SPTLC3: variants seen among roughly 807,000 people sequenced by gnomAD.
SPTLC3 encodes serine palmitoyltransferase long chain base subunit 3.
Under a neutral mutation model 59.3 loss-of-function variants are expected in SPTLC3, and 36 were observed. The observed-to-expected ratio is 0.61, with a 90% CI of 0.47 to 0.80. SPTLC3 has a LOEUF of 0.80. SPTLC3 is among the 30% of genes least tolerant of loss of function. SPTLC3 has a pLI of 0.00. For synonymous variants in SPTLC3, 257 were observed against 240.8 expected (o/e 1.07, Z -0.62); for missense variants, 625 against 685.1 (o/e 0.91, Z 0.98).
At chr20:13,066,799 C>T (rs1160530982) in intron 2 of SPTLC3, among the ~76,000 whole-genome samples, 1 of 151,574 alleles carries the variant, frequency 6.6e-6, no homozygotes, top group Non-Finnish European at 1.5e-5. Context: ...CCTCCTTAGT[C>T]TCCTTATTTC....
rs751573042 is a variant in SPTLC3 at position 13,110,109 on chromosome 20, A to AAGACACAC, written c.827-1_833dup. On this transcript the variant is annotated splice_polypyrimidine_tract_variant and splice_region_variant and intron_variant, in intron 6 of 11. Transcript: ENST00000399002. Reference sequence around the variant, plus strand: ...CAATTTTTTTTTTTGGTATTATTTAAAGACACACAAAGCCTAGAGAAGCTC... The same window carrying AAGACACAC: ...CAATTTTTTTTTTTGGTATTATTTAAAGACACACAGACACACAAAGCCTAGAGAAGCTC... 3 of 1,597,746 alleles carry AAGACACAC rather than the reference A, an allele frequency of 1.9e-6. No homozygotes were observed. Among genetic ancestry groups the AAGACACAC allele is most frequent in the Non-Finnish European group, 2.6e-6 (3 of 1,175,614 alleles).
intron 9 of SPTLC3, among the ~76,000 whole-genome samples, chr20:13,137,640 AG>A (rs112409630): frequency 6.6e-6 from 1 of 152,184 alleles, no homozygotes; most frequent in African/African-American, 2.4e-5. Flanking sequence ...GCCCTGGGAA[AG>A]AAAGCATATA....
At chr20:13,129,245 G>T (rs186795338) in intron 9 of SPTLC3, among the ~76,000 whole-genome samples, 68 of 152,172 alleles carry the variant, frequency 4.5e-4, no homozygotes, top group African/African-American at 1.6e-3. Flanking sequence ...CAAGTGATTT[G>T]CCCACCCCAG....
At chr20:13,106,465 T>TCAG (rs1989904585) in intron 6 of SPTLC3, among the ~76,000 whole-genome samples, 1 of 151,996 alleles carries the variant, frequency 6.6e-6, no homozygotes, top group Non-Finnish European at 1.5e-5. Flanking sequence ...CGAGAAGAGT[T>TCAG]TGGGTTAAGA....
intron 6 of SPTLC3, among the ~76,000 whole-genome samples, chr20:13,101,663 C>G (rs1158021160): frequency 6.6e-6 from 1 of 152,142 alleles, no homozygotes; most frequent in East Asian, 1.9e-4. Context: ...GTTTCTGGTG[C>G]ATTTTGAGGA....
At chr20:13,088,311 T>G (rs976236249) in intron 4 of SPTLC3, among the ~76,000 whole-genome samples, 4 of 152,096 alleles carry the variant, frequency 2.6e-5, no homozygotes, top group African/African-American at 9.7e-5. Context: ...TGTTTTTTGT[T>G]GTTGTTGTTG....
Position 13,160,266 on chromosome 20 carries a change from T to G in SPTLC3, c.1545+134T>G, listed in dbSNP as rs905543537. On this transcript the variant is annotated intron_variant, in intron 11 of 11. Coordinates refer to ENST00000399002, the MANE Select transcript of SPTLC3 (RefSeq NM_018327.4). ...GGAAAACAACACTGACAAAAGTCAC[T>G]GCCAAAAAACAAGAGCTCGTCAACA... 6 of 1,115,160 alleles carry G rather than the reference T, an allele frequency of 5.4e-6. No homozygotes were observed. The African/African-American group carries it at 9.4e-5, about 17-fold the overall frequency. 69.1% of individuals were successfully genotyped at this position (1,115,160 alleles called of 1,614,324 possible).
chr20:13,017,677 C>T (rs1985602448), intron 1 of SPTLC3, among the ~76,000 whole-genome samples: 1 of 152,086 alleles, frequency 6.6e-6, no homozygotes, highest in African/African-American at 2.4e-5. Flanking sequence ...TTATGTGTGG[C>T]TCAAGACAAT....
intron 6 of SPTLC3, among the ~76,000 whole-genome samples, chr20:13,107,109 G>A (rs962069078): frequency 3.3e-5 from 5 of 152,286 alleles, no homozygotes; most frequent in African/African-American, 4.8e-5. Context: ...TAGAGGTCTC[G>A]CTTTGCGTTA....
chr20:13,049,092 GA>G lies in SPTLC3; in HGVS notation c.270del (p.Lys90AsnfsTer51). The G allele has an allele frequency of 6.2e-7, 1 of 1,613,658 alleles. No homozygotes were observed. Among genetic ancestry groups the G allele is most frequent in the Non-Finnish European group, 8.5e-7 (1 of 1,179,808 alleles). ...AGACTTTTTAAGAAACTGGGGAATAGAAAAATGCAACGCAGCTGTGGAAAGA... is the reference window on the plus strand; with the variant it reads ...AGACTTTTTAAGAAACTGGGGAATAGAAAATGCAACGCAGCTGTGGAAAGA... ...LRDFLRNWGI[E>X]KCNAAVERKE... On this transcript the variant is annotated frameshift_variant, in exon 2 of 12. Coordinates refer to ENST00000399002, the MANE Select transcript of SPTLC3 (RefSeq NM_018327.4). LOFTEE classifies it high-confidence loss of function.
intron 6 of SPTLC3, among the ~76,000 whole-genome samples, chr20:13,103,582 G>A (rs1989704721): frequency 1.3e-5 from 2 of 152,190 alleles, no homozygotes; most frequent in South Asian, 2.1e-4. Context: ...GTCTCTAAAT[G>A]CAGATGAAAG....
chr20:13,028,253 C>T (rs571696690), intron 1 of SPTLC3, among the ~76,000 whole-genome samples: 1 of 152,156 alleles, frequency 6.6e-6, no homozygotes, highest in African/African-American at 2.4e-5. Flanking sequence ...TTTTTAAGAT[C>T]TTAGTAATAC....
intron 2 of SPTLC3, 159 bp downstream of exon 2, chr20:13,049,289 A>C: frequency 1.3e-6 from 1 of 763,104 alleles, no homozygotes; most frequent in Non-Finnish European, 2.2e-6. Flanking sequence ...CCCATTACCC[A>C]TGGGCTTATG....
intron 11 of SPTLC3, among the ~76,000 whole-genome samples, chr20:13,162,915 A>C (rs7264061): frequency 0.17 from 25,901 of 151,806 alleles, 2,196 homozygotes; most frequent in East Asian, 0.22. Flanking sequence ...CTCCCATCTC[A>C]GCAAGCTAAA....
In SPTLC3 at chr20:13,168,801, A is replaced by C. The variant is rs998461174; in HGVS notation, c.*3934A>C. On this transcript the variant is annotated 3_prime_UTR_variant, in exon 12 of 12. Coordinates refer to ENST00000399002, the MANE Select transcript of SPTLC3 (RefSeq NM_018327.4). ...ATTCTTGGCAATGTTTCCTGGTCTCAAAACAGTAAGAACAATTTGAAGTCT... is the reference window on the plus strand; with the variant it reads ...ATTCTTGGCAATGTTTCCTGGTCTCCAAACAGTAAGAACAATTTGAAGTCT... 1 of 152,198 alleles carries C rather than the reference A, an allele frequency of 6.6e-6. No individual in the cohort carries two copies. The highest frequency in any genetic ancestry group is 1.5e-5 in the Non-Finnish European group (1 of 68,028). The allele number at this position is 152,198 out of a possible 1,614,324, so 9.4% of individuals were successfully genotyped here.
At chr20:13,121,559 G>A (rs770749714) in intron 8 of SPTLC3, among the ~76,000 whole-genome samples, 6 of 152,254 alleles carry the variant, frequency 3.9e-5, no homozygotes, top group East Asian at 1.9e-4. Flanking sequence ...AATGGACGTG[G>A]AAACCTCGAT....
intron 1 of SPTLC3, among the ~76,000 whole-genome samples, chr20:13,009,684 T>C (rs2038144897): frequency 6.6e-6 from 1 of 152,182 alleles, no homozygotes; most frequent in Non-Finnish European, 1.5e-5. Context: ...GAGGGAAGAA[T>C]TAAGAAAGTT....
intron 11 of SPTLC3, among the ~76,000 whole-genome samples, chr20:13,160,434 TCTAAAATGCTGTTTTAGA>T (rs2038872599): frequency 6.6e-6 from 1 of 152,166 alleles, no homozygotes; most frequent in Admixed American, 6.5e-5. Flanking sequence ...CAAAAGCTGG[TCTAAAATGCTGTTTTAGA>T]CTTAATTACA....
intron 1 of SPTLC3, among the ~76,000 whole-genome samples, chr20:13,034,970 C>T (rs775532822): frequency 5.9e-5 from 9 of 152,108 alleles, no homozygotes; most frequent in African/African-American, 9.7e-5. Flanking sequence ...TCTTGGGGAT[C>T]TTTCTCTCTA....
Sources: allele counts gnomAD v4.1 joint callset (sites outside exome capture counted in the v4.1 genomes callset), GRCh38; gene constraint gnomAD v4.1.1; transcripts MANE v1.5; gene names NCBI Gene and HGNC (gene_info 2026-07-23, HGNC 2026-07-21).